The following CR1L variants were observed in gnomAD, a reference collection of about 807,000 sequenced individuals.
CR1L encodes the protein complement component receptor 1-like protein.
In CR1L, 59 loss-of-function variants were observed where a neutral mutation model predicts 62.3. That is an observed-to-expected ratio of 0.95 (90% CI 0.77 to 1.18). The LOEUF is 1.18. CR1L is among the 50% of genes most tolerant of loss of function. The pLI, the probability that CR1L is intolerant of heterozygous loss-of-function variation, is 0.00. For missense variants in CR1L, 700 were observed against 702.8 expected, an observed-to-expected ratio of 1.00 and a Z score of 0.04; for synonymous variants, 279 against 248.7, an observed-to-expected ratio of 1.12 and a Z score of -1.15.
Position 207,661,730 on chromosome 1 carries a change from C to A in CR1L, c.98-15659C>A, listed in dbSNP as rs1339575115. ...TTTTGCTCGTTAGTTGATGCAGTTT[C>A]TTCCTAGCCTTGATGGTCTTTACAA... On this transcript the variant is annotated intron_variant, in intron 1 of 11. Coordinates refer to ENST00000508064, the MANE Select transcript of CR1L (RefSeq NM_175710.2). Among the ~76,000 whole-genome samples the A allele has an allele frequency of 4.6e-5, 7 of 152,254 alleles. No individual in the cohort carries two copies. The South Asian group carries it at 1.2e-3, about 27-fold the overall frequency.
At chr1:207,702,791 A>C (rs1294759263) in intron 9 of CR1L, among the ~76,000 whole-genome samples, 1 of 152,194 alleles carries the variant, frequency 6.6e-6, no homozygotes, top group South Asian at 2.1e-4. Context: ...GCAGAAAAAA[A>C]GCTGGAAGCA....
Position 207,701,581 on chromosome 1 carries a change from C to G in CR1L, c.1291C>G (p.His431Asp). Residue 431 changes from histidine to aspartate, a missense_variant, in exon 9 of 12, where the codon CAT becomes GAT. Physicochemically the swap from His to Asp is moderately conservative, Grantham distance 81. Coordinates refer to ENST00000508064, the MANE Select transcript of CR1L (RefSeq NM_175710.2). ...CATGGTGCATGTGATCACAGACATC[C>G]ATGTTGGATCCAGAATCAACTATTC... Reference protein sequence around the residue: ...NGMVHVITDIHVGSRINYSCT... With the variant: ...NGMVHVITDIDVGSRINYSCT... The G allele has an allele frequency of 1.2e-6, 2 of 1,613,786 alleles. No individual in the cohort carries two copies. The highest frequency in any genetic ancestry group is 1.7e-6 in the Non-Finnish European group (2 of 1,179,754).
At chr1:207,648,789 C>T (rs1483897118) in intron 1 of CR1L, among the ~76,000 whole-genome samples, 1 of 152,236 alleles carries the variant, frequency 6.6e-6, no homozygotes, top group Non-Finnish European at 1.5e-5. Flanking sequence ...GCAAAAAGAG[C>T]AGTCCATATC....
intron 3 of CR1L, among the ~76,000 whole-genome samples, chr1:207,680,484 G>T (rs1219914486): frequency 1.3e-5 from 2 of 151,990 alleles, no homozygotes; most frequent in Admixed American, 6.5e-5. Flanking sequence ...AGTGTACCTG[G>T]GATCTTTCTG....
intron 1 of CR1L, chr1:207,657,070 C>T: frequency 3.4e-6 from 2 of 593,726 alleles, no homozygotes; most frequent in African/African-American, 1.9e-5. Flanking sequence ...AGAAATTTTA[C>T]TAATGCTGCC....
intron 1 of CR1L, 111 bp downstream of exon 1, chr1:207,645,441 A>T: frequency 1.6e-6 from 2 of 1,254,360 alleles, no homozygotes; most frequent in Admixed American, 3.5e-5. Context: ...TGCTTGGGAT[A>T]GAGAGCGAGG....
At chr1:207,722,739 G>C (rs1388438549) in intron 11 of CR1L, among the ~76,000 whole-genome samples, 4 of 152,050 alleles carry the variant, frequency 2.6e-5, no homozygotes, top group Non-Finnish European at 5.9e-5. Flanking sequence ...GTATATTGAA[G>C]GTACTATTGT....
At chr1:207,656,944 C>T (rs1663321012) in intron 1 of CR1L, among the ~76,000 whole-genome samples, 1 of 152,156 alleles carries the variant, frequency 6.6e-6, no homozygotes, top group South Asian at 2.1e-4. Flanking sequence ...TTAGTTACTA[C>T]ATTAATGGTT....
rs558690300 is a variant in CR1L at position 207,708,509 on chromosome 1, A to G, written c.1414+246A>G. On this transcript the variant is annotated intron_variant, in intron 10 of 11. Coordinates refer to ENST00000508064, the MANE Select transcript of CR1L (RefSeq NM_175710.2). ...CTTGAGCTAATTTAAATAGCCCCCAATTTCATCCTCTGTTGGGTGAACACC... is the reference window on the plus strand; with the variant it reads ...CTTGAGCTAATTTAAATAGCCCCCAGTTTCATCCTCTGTTGGGTGAACACC... Among the ~76,000 whole-genome samples the G allele has an allele frequency of 1.6e-3, 239 of 152,298 alleles. 1 individual carries two copies. Among genetic ancestry groups the G allele is most frequent in the African/African-American group, 5.6e-3 (231 of 41,564 alleles).
intron 1 of CR1L, among the ~76,000 whole-genome samples, chr1:207,671,443 G>A (rs1663613788): frequency 6.6e-6 from 1 of 150,882 alleles, no homozygotes; most frequent in Admixed American, 6.6e-5. Flanking sequence ...AGAGGAACTA[G>A]GATTGTTTTG....
intron 10 of CR1L, chr1:207,710,878 T>C: frequency 8.0e-7 from 1 of 1,250,314 alleles, no homozygotes; most frequent in South Asian, 1.3e-5. Flanking sequence ...GGGATGTATG[T>C]TGAGGAGGGT....
chr1:207,717,943 T>C (rs1361647030), intron 11 of CR1L, among the ~76,000 whole-genome samples: 1 of 152,074 alleles, frequency 6.6e-6, no homozygotes, highest in South Asian at 2.1e-4. Context: ...GTGAAGAGAA[T>C]TGGTGAGGTC....
At chr1:207,696,893 C>T (rs977108784) in intron 5 of CR1L, among the ~76,000 whole-genome samples, 1 of 152,180 alleles carries the variant, frequency 6.6e-6, no homozygotes, top group African/African-American at 2.4e-5. Context: ...GACAGTTGCC[C>T]ACCTTCTCAC....
chr1:207,674,627 G>A (rs768233750), intron 1 of CR1L, among the ~76,000 whole-genome samples: 5 of 152,076 alleles, frequency 3.3e-5, no homozygotes, highest in Admixed American at 2.0e-4. Context: ...TTCCAAGAAT[G>A]GTTCATTATA....
In CR1L at chr1:207,694,577, T is replaced by G. The variant is rs776714030; in HGVS notation, c.688T>G (p.Cys230Gly). The G allele has an allele frequency of 6.2e-7, 1 of 1,612,126 alleles. No individual in the cohort carries two copies. The highest frequency in any genetic ancestry group is 8.5e-7 in the Non-Finnish European group (1 of 1,179,750). Residue 230 changes from cysteine (C) to glycine (G), a missense_variant, in exon 5 of 12, where the codon TGC becomes GGC. By Grantham distance (159) the Cys-to-Gly change is radical (BLOSUM62 -3). Coordinates refer to ENST00000508064, the MANE Select transcript of CR1L (RefSeq NM_175710.2). The stretch of plus-strand genomic sequence containing the variant: ...CCCTCAGTGCATTATACCTAACAAA[T>G]GCACGCCTCCAAATGTGGAAAATGG... ...PAPQCIIPNK[C>G]TPPNVENGIL...
intron 2 of CR1L, 64 bp downstream of exon 2, chr1:207,677,632 G>C: frequency 6.4e-7 from 1 of 1,552,024 alleles, no homozygotes; most frequent in East Asian, 2.3e-5. Context: ...GATTCAATTT[G>C]TTCAAATTTT....
At chr1:207,671,660 C>G (rs1273356044) in intron 1 of CR1L, among the ~76,000 whole-genome samples, 1 of 150,978 alleles carries the variant, frequency 6.6e-6, no homozygotes, top group African/African-American at 2.5e-5. Flanking sequence ...GGCGCAGTGG[C>G]TCACACCTAT....
At chr1:207,698,472 C>A (rs1664142178) in intron 7 of CR1L, among the ~76,000 whole-genome samples, 1 of 152,106 alleles carries the variant, frequency 6.6e-6, no homozygotes, top group Admixed American at 6.5e-5. Flanking sequence ...TTATGTCCAC[C>A]TAGTGCTCTT....
In CR1L at chr1:207,701,524, T is replaced by A. The variant is rs1413247490; in HGVS notation, c.1234T>A (p.Ser412Thr). 6.2e-7 allele frequency: 1 copy of A among 1,613,638 alleles called. No homozygotes were observed. The highest frequency in any genetic ancestry group is 1.7e-5 in the Admixed American group (1 of 59,986). Residue 412 changes from serine (S) to threonine (T), a missense_variant, in exon 9 of 12, where the codon TCA (serine) becomes ACA (threonine). Coordinates refer to ENST00000508064, the MANE Select transcript of CR1L (RefSeq NM_175710.2). ...NSSVPVCERK[S>T]CETPPVPVNG... ...AAACATTTTCTTTCCCACAGGTAAA[T>A]CATGTGAAACTCCTCCAGTTCCAGT... is the stretch of plus-strand genomic sequence containing the variant.
Sources: gnomAD v4.1 joint callset for allele counts (sites outside exome capture counted in the v4.1 genomes callset) on GRCh38, gnomAD v4.1.1 for gene constraint, MANE v1.5 for transcripts, NCBI Gene and HGNC (gene_info 2026-07-23, HGNC 2026-07-21) for gene names.